MAST2: variants seen among roughly 807,000 people sequenced by gnomAD.
MAST2 encodes microtubule associated serine/threonine kinase 2, also known as microtubule-associated serine/threonine-protein kinase 2.
In MAST2, 70 loss-of-function variants were observed where a neutral mutation model predicts 147.4. The observed-to-expected ratio is 0.47, with a 90% CI of 0.39 to 0.58. The LOEUF (loss-of-function observed/expected upper bound fraction) is 0.58. MAST2 is among the 20% of genes least tolerant of loss of function. The pLI is 0.00. For missense variants in MAST2, 2,080 were observed against 2,302.3 expected (o/e 0.90, Z 1.98); for synonymous variants, 869 against 896.8 (o/e 0.97, Z 0.55).
At chr1:45,992,800 A>G (rs945713481) in intron 5 of MAST2, among the ~76,000 whole-genome samples, 2 of 151,822 alleles carry the variant, frequency 1.3e-5, no homozygotes, top group South Asian at 2.1e-4. Flanking sequence ...GTTTATGTCT[A>G]CCACCTCCCT....
rs768048306 is a variant in MAST2, at chr1:46,033,773, T to TA, written c.3538-28dup. 5.0e-6 allele frequency: 8 copies of TA among 1,606,716 alleles called. No homozygotes were observed. In the African/African-American group the frequency reaches 1.1e-4, roughly 21 times the overall value. On this transcript the variant is annotated intron_variant, in intron 26 of 28. Transcript: ENST00000361297. ...GAGGGGCAAGAATATGGCTCCAGCTTAGCCTAGGCCTCATGCTCTGCTCCC... is the reference window on the plus strand; with the variant it reads ...GAGGGGCAAGAATATGGCTCCAGCTTAAGCCTAGGCCTCATGCTCTGCTCCC...
intron 4 of MAST2, among the ~76,000 whole-genome samples, chr1:45,953,361 C>T (rs570346177): frequency 1.0e-3 from 155 of 152,276 alleles, no homozygotes; most frequent in African/African-American, 3.7e-3. Flanking sequence ...CTACCTGCTT[C>T]TGTGGAAATA....
intron 12 of MAST2, 32 bp downstream of exon 12, chr1:46,022,114 C>T (rs1646211958): frequency 6.2e-7 from 1 of 1,611,092 alleles, no homozygotes; most frequent in South Asian, 1.1e-5. Context: ...TGCAAAGAGG[C>T]CCCACTGCTG....
At chr1:45,834,750 C>T (rs1645053738) in intron 3 of MAST2, among the ~76,000 whole-genome samples, 1 of 152,112 alleles carries the variant, frequency 6.6e-6, no homozygotes, top group South Asian at 2.1e-4. Context: ...CTATGTTCTT[C>T]TCATCTGTAA....
rs185547243 is a variant in MAST2 at position 45,964,030 on chromosome 1, G to A, written c.592+4553G>A. On this transcript the variant is annotated intron_variant, in intron 5 of 28. Transcript: ENST00000361297. ...TGCTGGATTACGTTTATTGATTTGCGTATGTTGAACCAGCCTTGCATCCCA... is the reference window on the plus strand; with the variant it reads ...TGCTGGATTACGTTTATTGATTTGCATATGTTGAACCAGCCTTGCATCCCA... Among the ~76,000 whole-genome samples, 88 of 152,282 alleles carry A rather than the reference G, an allele frequency of 5.8e-4. 3 individuals are homozygous for A. The highest frequency in any genetic ancestry group is 1.8e-3 in the African/African-American group (76 of 41,546).
In MAST2 at chr1:46,014,208, G is replaced by T. The variant is rs189173205; in HGVS notation, c.1188+3269G>T. ...TTATTATTATACTTTAAGTTTTAGGGTACATGTGCACAATGTGCAGGTTAG... is the reference window on the plus strand; with the variant it reads ...TTATTATTATACTTTAAGTTTTAGGTTACATGTGCACAATGTGCAGGTTAG... On this transcript the variant is annotated intron_variant, in intron 10 of 28. Coordinates refer to ENST00000361297, the MANE Select transcript of MAST2 (RefSeq NM_015112.3). Among the ~76,000 whole-genome samples the T allele has an allele frequency of 3.5e-3, 530 of 151,328 alleles. 2 individuals carry two copies. Among genetic ancestry groups the T allele is most frequent in the African/African-American group, 0.012 (481 of 41,186 alleles).
In MAST2 at chr1:46,034,162, T is replaced by C. The variant is rs1646798775; in HGVS notation, c.3764T>C (p.Leu1255Ser). 1.2e-6 allele frequency: 2 copies of C among 1,614,146 alleles called. No individual in the cohort carries two copies. Among genetic ancestry groups the C allele is most frequent in the Non-Finnish European group, 8.5e-7 (1 of 1,180,016 alleles). The change falls in exon 28 of 29, where the codon TTG becomes TCG. Residue 1255 changes from leucine to serine, a missense_variant. Physicochemically the swap from Leu to Ser is moderately radical, Grantham distance 145. This residue lies in a region of MAST2 where 1,278 missense variants were observed against 1,304.2 expected (regional missense o/e 0.98). Coordinates refer to ENST00000361297, the MANE Select transcript of MAST2 (RefSeq NM_015112.3). ...AGCCTTTCTTCCCTTAACCGCTCCTTGTCATCAGGGGAGAGTGGGCCAGGC... is the reference window on the plus strand; with the variant it reads ...AGCCTTTCTTCCCTTAACCGCTCCTCGTCATCAGGGGAGAGTGGGCCAGGC... ...SRSLSSLNRSLSSGESGPGSP... is the reference protein window; with the variant it reads ...SRSLSSLNRSSSSGESGPGSP...
chr1:45,978,266 C>G (rs968315309), intron 5 of MAST2, among the ~76,000 whole-genome samples: 2 of 152,198 alleles, frequency 1.3e-5, no homozygotes, highest in African/African-American at 4.8e-5. Flanking sequence ...GTAATGCCAA[C>G]CTTTTGGGAG....
chr1:45,998,060 T>C (rs1316291280), intron 6 of MAST2, among the ~76,000 whole-genome samples: 1 of 152,202 alleles, frequency 6.6e-6, no homozygotes, highest in Admixed American at 6.5e-5. Flanking sequence ...GATTTATTTG[T>C]ATAATTCACT....
At chr1:45,911,699 A>G (rs1651673802) in intron 4 of MAST2, among the ~76,000 whole-genome samples, 1 of 151,602 alleles carries the variant, frequency 6.6e-6, no homozygotes, top group Non-Finnish European at 1.5e-5. Context: ...AATAATAATA[A>G]TTTTAAAAAT....
intron 3 of MAST2, among the ~76,000 whole-genome samples, chr1:45,880,832 A>T (rs560919033): frequency 6.6e-6 from 1 of 152,024 alleles, no homozygotes; most frequent in Admixed American, 6.6e-5. Flanking sequence ...AATACAAAAA[A>T]ATTAGCTGGG....
At chr1:45,858,970 T>C (rs1017560703) in intron 3 of MAST2, among the ~76,000 whole-genome samples, 4 of 152,172 alleles carry the variant, frequency 2.6e-5, no homozygotes, top group Non-Finnish European at 4.4e-5. Context: ...TTGGTCTATA[T>C]CTCTGTTTTG....
rs375422759 is a variant in MAST2, at chr1:45,824,525, A to G, written c.270A>G (p.Gln90=). The change falls in exon 2 of 29, where the codon CAA becomes CAG. Residue 90 remains glutamine, a synonymous_variant. Transcript: ENST00000361297. ...SSTGKVKLQR[Q]LSQDDCKLWR... ...CTGGAAAAGTTAAACTTCAGCGACA[A>G]CTGAGTCAGGATGATTGTAAGTTAT... is the stretch of plus-strand genomic sequence containing the variant. 244 of 1,611,546 alleles carry G rather than the reference A, an allele frequency of 1.5e-4. 1 individual carries two copies. The African/African-American group carries it at 2.7e-3, about 18-fold the overall frequency.
At position 45,888,176 on chromosome 1, in the gene MAST2, G is replaced by A. The variant is rs191236643; in HGVS notation, c.500+5781G>A. Reference sequence around the variant, plus strand: ...ATATTTCAGAGACATCTGAACTGCAGCATTTATGAATCTGAGTCATTGTCT... The same window carrying A: ...ATATTTCAGAGACATCTGAACTGCAACATTTATGAATCTGAGTCATTGTCT... On this transcript the variant is annotated intron_variant, in intron 4 of 28. Coordinates refer to ENST00000361297, the MANE Select transcript of MAST2 (RefSeq NM_015112.3). Among the ~76,000 whole-genome samples the A allele has an allele frequency of 1.0e-3, 153 of 152,242 alleles. 1 individual carries two copies. Among genetic ancestry groups the A allele is most frequent in the Non-Finnish European group, 5.3e-4 (36 of 68,010 alleles).
At chr1:45,928,487 T>C (rs1419563199) in intron 4 of MAST2, among the ~76,000 whole-genome samples, 3 of 152,136 alleles carry the variant, frequency 2.0e-5, no homozygotes, top group African/African-American at 7.2e-5. Context: ...TTTTATATAA[T>C]GAAAGAGGAT....
At chr1:45,979,984 T>C (rs1343663902) in intron 5 of MAST2, among the ~76,000 whole-genome samples, 1 of 152,214 alleles carries the variant, frequency 6.6e-6, no homozygotes, top group Admixed American at 6.5e-5. Flanking sequence ...GGGTTACTCA[T>C]GGCCATAAAG....
At position 46,022,932 on chromosome 1, in the gene MAST2, T is replaced by G; in HGVS notation, c.1446T>G (p.Cys482Trp). 3.7e-6 allele frequency: 6 copies of G among 1,614,194 alleles called. No homozygotes were observed. Among genetic ancestry groups the G allele is most frequent in the Non-Finnish European group, 5.1e-6 (6 of 1,180,020 alleles). Residue 482 changes from cysteine to tryptophan, a missense_variant, in exon 13 of 29, where the codon TGT (cysteine) becomes TGG (tryptophan). Coordinates refer to ENST00000361297, the MANE Select transcript of MAST2 (RefSeq NM_015112.3). ...PLEEMAQLSSCDSPDTPETDD... is the reference protein window; with the variant it reads ...PLEEMAQLSSWDSPDTPETDD... ...CAGAAATGGCCCAGTTGAGCAGCTGTGACAGTCCTGACACTCCAGAGACAG... is the reference window on the plus strand; with the variant it reads ...CAGAAATGGCCCAGTTGAGCAGCTGGGACAGTCCTGACACTCCAGAGACAG...
At chr1:45,813,750 C>T (rs978884466) in intron 1 of MAST2, among the ~76,000 whole-genome samples, 31 of 152,164 alleles carry the variant, frequency 2.0e-4, no homozygotes, top group African/African-American at 5.8e-4. Flanking sequence ...CCGCCCACCT[C>T]GGCCTCCCAA....
At chr1:45,850,903 C>A (rs1645605420) in intron 3 of MAST2, among the ~76,000 whole-genome samples, 1 of 150,238 alleles carries the variant, frequency 6.7e-6, no homozygotes. Flanking sequence ...TAATGTAATC[C>A]CTGCAGCTTT....
Sources: allele counts gnomAD v4.1 joint callset (sites outside exome capture counted in the v4.1 genomes callset), GRCh38; gene constraint gnomAD v4.1.1; regional missense constraint gnomAD v4.1.1; transcripts MANE v1.5; gene names NCBI Gene and HGNC (gene_info 2026-07-23, HGNC 2026-07-21).